MOCOS: variants seen among roughly 807,000 people sequenced by gnomAD.
MOCOS encodes the protein human molybdenum cofactor sulfurase.
MOCOS carries 86 observed loss-of-function variants against 83.6 expected under a neutral mutation model. The ratio of observed to expected loss-of-function variants is 1.03; its 90% CI spans 0.86 to 1.23. MOCOS has a LOEUF of 1.23. Among genes scored for constraint, MOCOS ranks in the 50% most tolerant of loss-of-function variants. The probability of loss-of-function intolerance (pLI) is 0.00; values close to 1 mark genes in which losing one functional copy is unlikely to be tolerated. For missense variants in MOCOS, 1,120 were observed against 1,126.9 expected (o/e 0.99, Z 0.09); for synonymous variants, 445 against 434.7 (o/e 1.02, Z -0.29).
In MOCOS at chr18:36,187,640, G is replaced by A; in HGVS notation, c.101G>A (p.Ser34Asn). ...CTAGCCTACGGCTACGGCCCGGGCA[G>A]CCTGCGCGAGCTGCGGGCGCGCGAG... ...PRLAYGYGPGSLRELRAREFS... is the reference protein window; with the variant it reads ...PRLAYGYGPGNLRELRAREFS... The change falls in exon 1 of 15, where the codon AGC becomes AAC. Residue 34 changes from serine (S) to asparagine (N), a missense_variant. Physicochemically the swap from Ser to Asn is conservative, Grantham distance 46. Transcript: ENST00000261326. 1 of 1,251,050 alleles carries A rather than the reference G, an allele frequency of 8.0e-7. No individual in the cohort carries two copies. Among genetic ancestry groups the A allele is most frequent in the Non-Finnish European group, 1.0e-6 (1 of 997,434 alleles). The allele number at this position is 1,251,050 out of a possible 1,614,324, so 77.5% of individuals were successfully genotyped here.
chr18:36,257,099 C>G (rs2091644716), intron 12 of MOCOS, 26 bp downstream of exon 12: 1 of 1,583,774 alleles, frequency 6.3e-7, no homozygotes, highest in Non-Finnish European at 8.7e-7. Flanking sequence ...TCGGGACTAG[C>G]AGACAAGCAT....
chr18:36,227,956 T>C (rs2091524057), intron 9 of MOCOS, among the ~76,000 whole-genome samples: 1 of 152,114 alleles, frequency 6.6e-6, no homozygotes, highest in Admixed American at 6.5e-5. Flanking sequence ...AGGTCTAATA[T>C]CCAGCATCTA....
chr18:36,245,080 G>C (rs890756509), intron 9 of MOCOS, among the ~76,000 whole-genome samples: 1 of 152,018 alleles, frequency 6.6e-6, no homozygotes, highest in Non-Finnish European at 1.5e-5. Context: ...TATCCATTCT[G>C]CCATTCTGCC....
intron 12 of MOCOS, among the ~76,000 whole-genome samples, chr18:36,258,411 T>G (rs1307767984): frequency 6.6e-6 from 1 of 152,196 alleles, no homozygotes; most frequent in African/African-American, 2.4e-5. Flanking sequence ...CCCAGAGAGT[T>G]GATCCAGAAT....
At chr18:36,252,986 A>G (rs996782640) in intron 11 of MOCOS, among the ~76,000 whole-genome samples, 1 of 152,202 alleles carries the variant, frequency 6.6e-6, no homozygotes, top group Non-Finnish European at 1.5e-5. Context: ...TGGTTGGGGT[A>G]TGGATAAGCT....
chr18:36,262,501 C>A (rs1056549331), intron 13 of MOCOS, among the ~76,000 whole-genome samples: 15 of 151,772 alleles, frequency 9.9e-5, no homozygotes, highest in African/African-American at 3.6e-4. Flanking sequence ...GTTAATACTG[C>A]ACCTTTCTTT....
rs373245174 is a variant in MOCOS at position 36,205,228 on chromosome 18, C to T, written c.1170C>T (p.Ile390=). The change falls in exon 6 of 15, where the codon ATC becomes ATT. Residue 390 remains isoleucine, a synonymous_variant. Transcript: ENST00000261326. ...GCCCTGAGGTTCAGGGCCCAATCAT[C>T]AATTTTAATGTGCTGGATGACAAAG... ...FSSPEVQGPI[I]NFNVLDDKGN... is the part of the protein sequence containing the mutation. The T allele has an allele frequency of 6.8e-6, 11 of 1,614,042 alleles. No individual in the cohort carries two copies. The highest frequency in any genetic ancestry group is 9.3e-6 in the Non-Finnish European group (11 of 1,180,026).
intron 6 of MOCOS, among the ~76,000 whole-genome samples, chr18:36,213,038 A>G (rs1285674586): frequency 6.6e-6 from 1 of 152,198 alleles, no homozygotes; most frequent in African/African-American, 2.4e-5. Flanking sequence ...TGGAGAAAGT[A>G]GGAAAAGCAA....
intron 8 of MOCOS, among the ~76,000 whole-genome samples, chr18:36,216,457 T>G (rs2091476616): frequency 6.6e-6 from 1 of 152,186 alleles, no homozygotes. Flanking sequence ...TTTGGCAATA[T>G]GTACATCAAA....
Position 36,215,531 on chromosome 18 carries a change from G to A in MOCOS, c.1351G>A (p.Gly451Arg), listed in dbSNP as rs201070779. ...RKHFQAGHVCGDNMDLIDGQP... is the reference protein window; with the variant it reads ...RKHFQAGHVCRDNMDLIDGQP... ...CTTATCCTAGGCTGGTCATGTCTGT[G>A]GGGACAATATGGACCTCATAGATGG... Residue 451 changes from glycine to arginine, a missense_variant, in exon 8 of 15, where the codon GGG (glycine) becomes AGG (arginine). Gly to Arg is a moderately radical substitution (Grantham distance 125). Transcript: ENST00000261326. 1.2e-4 allele frequency: 188 copies of A among 1,613,882 alleles called. 1 individual carries two copies. The highest frequency in any genetic ancestry group is 1.5e-4 in the Non-Finnish European group (179 of 1,179,972).
chr18:36,222,300 AATCTC>A, intron 9 of MOCOS, among the ~76,000 whole-genome samples: 1 of 152,252 alleles, frequency 6.6e-6, no homozygotes, highest in South Asian at 2.1e-4. Context: ...TTTTCTAAGA[AATCTC>A]AATATTGTTT....
chr18:36,239,238 G>A (rs545544908), intron 9 of MOCOS, among the ~76,000 whole-genome samples: 37 of 152,080 alleles, frequency 2.4e-4, no homozygotes, highest in African/African-American at 8.0e-4. Flanking sequence ...CTTGATGATC[G>A]TTACATTTTG....
intron 1 of MOCOS, among the ~76,000 whole-genome samples, chr18:36,193,413 ATATAAT>A (rs947015198): frequency 6.6e-6 from 1 of 151,462 alleles, no homozygotes. Flanking sequence ...GACAAATGAA[ATATAAT>A]TTTAATTTAA....
chr18:36,251,402 A>G (rs2091621418), intron 11 of MOCOS, 119 bp downstream of exon 11: 1 of 1,374,326 alleles, frequency 7.3e-7, no homozygotes. Flanking sequence ...AGCAGGGGTC[A>G]TCAGCCTTTA....
In MOCOS at chr18:36,199,814, G is replaced by A. The variant is rs141483411; in HGVS notation, c.431G>A (p.Arg144His). 2.2e-4 allele frequency: 357 copies of A among 1,614,094 alleles called. 2 individuals carry two copies. The African/African-American group carries it at 4.2e-3, about 19-fold the overall frequency. The stretch of plus-strand genomic sequence containing the variant: ...CAGGGCCCAGAGAGCAGTGGGAGTC[G>A]CTTCTGTTACCTCACCGACAGCCAC... Reference protein sequence around the residue: ...VSQGPESSGSRFCYLTDSHTS... With the variant: ...VSQGPESSGSHFCYLTDSHTS... The change falls in exon 4 of 15, where the codon CGC (arginine) becomes CAC (histidine). Residue 144 changes from arginine (R) to histidine (H), a missense_variant. Arg to His is a conservative substitution (Grantham distance 29, BLOSUM62 0). Coordinates refer to ENST00000261326, the MANE Select transcript of MOCOS (RefSeq NM_017947.4).
In MOCOS at chr18:36,220,009, A is replaced by G. The variant is rs770950033; in HGVS notation, c.1798-46A>G. 10 of 1,611,934 alleles carry G rather than the reference A, an allele frequency of 6.2e-6. 1 individual carries two copies. The South Asian group carries it at 8.8e-5, about 14-fold the overall frequency. Reference sequence around the variant, plus strand: ...GCCACTGTACAAATAGGTGAAGACCAACTTTGGGGAGCCCTGGCCTGAGAC... The same window carrying G: ...GCCACTGTACAAATAGGTGAAGACCGACTTTGGGGAGCCCTGGCCTGAGAC... On this transcript the variant is annotated intron_variant, in intron 8 of 14. Transcript: ENST00000261326.
chr18:36,230,678 G>A (rs1024262700), intron 9 of MOCOS, among the ~76,000 whole-genome samples: 5 of 152,178 alleles, frequency 3.3e-5, no homozygotes, highest in Admixed American at 1.3e-4. Context: ...TCTTGGAAAG[G>A]TTGGGGTGCT....
At chr18:36,192,389 T>A (rs2091369458) in intron 1 of MOCOS, among the ~76,000 whole-genome samples, 1 of 151,898 alleles carries the variant, frequency 6.6e-6, no homozygotes. Context: ...CAGAAAAAAA[T>A]TTATCAAAAG....
At chr18:36,251,528 C>A (rs2091621941) in intron 11 of MOCOS, among the ~76,000 whole-genome samples, 1 of 152,136 alleles carries the variant, frequency 6.6e-6, no homozygotes, top group Admixed American at 6.5e-5. Flanking sequence ...AACATTCAGC[C>A]TTAGTCCTGC....
Sources: allele counts gnomAD v4.1 joint callset (sites outside exome capture counted in the v4.1 genomes callset), GRCh38; gene constraint gnomAD v4.1.1; transcripts MANE v1.5; gene names NCBI Gene and HGNC (gene_info 2026-07-23, HGNC 2026-07-21).